The following SLC8A1 variants were observed in gnomAD, a reference collection of about 807,000 sequenced individuals.
SLC8A1 encodes the protein sodium/calcium exchanger 1.
Under a neutral mutation model 68.3 loss-of-function variants are expected in SLC8A1, and 18 were observed. The observed-to-expected ratio is 0.26, with a 90% CI of 0.18 to 0.39. The LOEUF (loss-of-function observed/expected upper bound fraction) is 0.39, where lower values mean the gene tolerates loss of function less well. Ranked by LOEUF, SLC8A1 falls within the 10% of genes least tolerant of loss-of-function variation. The pLI is 1.00. For synonymous variants in SLC8A1, 475 were observed against 415.5 expected (o/e 1.14, Z -1.74); for missense variants, 985 against 1,156.7 (o/e 0.85, Z 2.15).
chr2:40,311,938 C>A (rs760206638), intron 2 of SLC8A1, among the ~76,000 whole-genome samples: 1 of 152,118 alleles, frequency 6.6e-6, no homozygotes, highest in Non-Finnish European at 1.5e-5. Context: ...CAAAGAGGCA[C>A]TTGTGAAAGG....
At chr2:40,436,984 A>G (rs540689044) in intron 1 of SLC8A1, among the ~76,000 whole-genome samples, 2 of 152,260 alleles carry the variant, frequency 1.3e-5, no homozygotes, top group East Asian at 1.9e-4. Flanking sequence ...CTGAGCATCT[A>G]CTTGTCCCAG....
intron 6 of SLC8A1, among the ~76,000 whole-genome samples, chr2:40,157,884 T>C (rs2044866048): frequency 1.3e-5 from 2 of 152,064 alleles, no homozygotes; most frequent in African/African-American, 2.4e-5. Context: ...TCTTCAAATA[T>C]GGAATTAAAA....
At chr2:40,119,842 T>C (rs901332068) in intron 7 of SLC8A1, among the ~76,000 whole-genome samples, 5 of 152,216 alleles carry the variant, frequency 3.3e-5, no homozygotes, top group Admixed American at 6.5e-5. Context: ...TCCTGGCTCC[T>C]TGATACATAT....
intron 2 of SLC8A1, among the ~76,000 whole-genome samples, chr2:40,197,010 T>C (rs943595787): frequency 2.6e-5 from 4 of 152,058 alleles, no homozygotes; most frequent in African/African-American, 9.7e-5. Flanking sequence ...CGATTTGTTC[T>C]GTAACTTGTA....
intron 2 of SLC8A1, among the ~76,000 whole-genome samples, chr2:40,314,064 T>C (rs566880182): frequency 3.3e-5 from 5 of 152,216 alleles, no homozygotes; most frequent in African/African-American, 1.2e-4. Flanking sequence ...GGATAAAGAA[T>C]CTAGGAAATC....
rs114649515 is a variant in SLC8A1, at chr2:40,296,898, A to G, written c.1809-119043T>C. ...GATGCACCTAGCCAAGGACTGTTCT[A>G]TGGCTCTCCACTAGAAACTCCCTCT... On this transcript the variant is annotated intron_variant, in intron 2 of 7. Transcript: ENST00000406785. Among the ~76,000 whole-genome samples the G allele has an allele frequency of 4.6e-3, 702 of 152,280 alleles. 6 individuals carry two copies. Among genetic ancestry groups the G allele is most frequent in the African/African-American group, 0.016 (670 of 41,560 alleles).
intron 1 of SLC8A1, among the ~76,000 whole-genome samples, chr2:40,495,510 G>C (rs1267365985): frequency 1.3e-5 from 2 of 151,952 alleles, no homozygotes; most frequent in African/African-American, 4.8e-5. Context: ...AAGTAAAATT[G>C]ATAAGGAATA....
chr2:40,419,136 C>T (rs1039786663), intron 2 of SLC8A1, among the ~76,000 whole-genome samples: 2 of 152,214 alleles, frequency 1.3e-5, no homozygotes, highest in East Asian at 3.9e-4. Context: ...GTTGTCACAG[C>T]ATCTTGCAAG....
chr2:40,106,935 A>G (rs2034235161), exon 8 of SLC8A1: 1 of 152,182 alleles, frequency 6.6e-6, no homozygotes, highest in South Asian at 2.1e-4. Flanking sequence ...TTGATAAGAG[A>G]GCTCTGAGAA....
intron 2 of SLC8A1, among the ~76,000 whole-genome samples, chr2:40,226,724 A>G (rs934311078): frequency 3.3e-5 from 5 of 152,208 alleles, no homozygotes; most frequent in Non-Finnish European, 7.4e-5. Flanking sequence ...TTGAATGTCC[A>G]TAAGAGAAGC....
chr2:40,459,367 T>G (rs935593855), intron 1 of SLC8A1, among the ~76,000 whole-genome samples: 7 of 103,438 alleles, frequency 6.8e-5, no homozygotes, highest in Admixed American at 6.2e-4. Context: ...TAGGACAGTA[T>G]ATTTTTTTTT....
At chr2:40,247,846 A>T (rs1374223322) in intron 2 of SLC8A1, among the ~76,000 whole-genome samples, 1 of 152,220 alleles carries the variant, frequency 6.6e-6, no homozygotes, top group Non-Finnish European at 1.5e-5. Flanking sequence ...CTTGCAGGTA[A>T]TTAATTATAG....
At chr2:40,110,123 T>C (rs1321598332) in exon 8 of SLC8A1, 1 of 152,118 alleles carries the variant, frequency 6.6e-6, no homozygotes, top group East Asian at 1.9e-4. Flanking sequence ...ATACGTACCA[T>C]TTCTTGTGGG....
intron 2 of SLC8A1, among the ~76,000 whole-genome samples, chr2:40,232,746 C>CG (rs1224828525): frequency 2.6e-5 from 2 of 76,698 alleles, no homozygotes; most frequent in Admixed American, 1.3e-4. Context: ...GCTATCCCTC[C>CG]CCCCCCGCCA....
rs188132334 is a variant in SLC8A1, at chr2:40,181,930, C to T, written c.1809-4075G>A. ...TATGGGGTTGGTTTGGTGAAGATGT[C>T]GTTATTTTGGCTTGATAATCAGCAG... is the stretch of plus-strand genomic sequence containing the variant. On this transcript the variant is annotated intron_variant, in intron 2 of 7. Transcript: ENST00000406785. Among the ~76,000 whole-genome samples the T allele has an allele frequency of 1.4e-3, 215 of 152,274 alleles. 1 individual carries two copies. Among genetic ancestry groups the T allele is most frequent in the Non-Finnish European group, 2.6e-3 (176 of 68,030 alleles).
At chr2:40,304,216 C>T (rs1228692172) in intron 2 of SLC8A1, among the ~76,000 whole-genome samples, 2 of 152,162 alleles carry the variant, frequency 1.3e-5, no homozygotes, top group African/African-American at 2.4e-5. Context: ...ATAACTGGCC[C>T]TTCAGAGATG....
intron 2 of SLC8A1, among the ~76,000 whole-genome samples, chr2:40,256,858 G>T (rs1275584019): frequency 2.6e-5 from 4 of 152,104 alleles, no homozygotes; most frequent in African/African-American, 9.7e-5. Flanking sequence ...ACCTGGGACA[G>T]CCTTTTGCAT....
intron 2 of SLC8A1, among the ~76,000 whole-genome samples, chr2:40,321,393 C>A (rs1024634027): frequency 6.6e-6 from 1 of 152,060 alleles, no homozygotes; most frequent in African/African-American, 2.4e-5. Flanking sequence ...TCAAGATTTG[C>A]ATGCTAAGGC....
Position 40,252,959 on chromosome 2 carries a change from GTA to G in SLC8A1, c.1809-75106_1809-75105del, listed in dbSNP as rs1558965661. ...TGTATGTACATATATACATATGTGTGTATATGTATGTACATATATGTATCTGT... is the reference window on the plus strand; with the variant it reads ...TGTATGTACATATATACATATGTGTGTATGTATGTACATATATGTATCTGT... On this transcript the variant is annotated intron_variant, in intron 2 of 7. Transcript: ENST00000406785. Among the ~76,000 whole-genome samples the G allele has an allele frequency of 8.6e-5, 7 of 81,598 alleles. 1 individual carries two copies. The East Asian group carries it at 1.7e-3, about 20-fold the overall frequency. The allele number at this position is 81,598 out of a possible 152,430, so 53.5% of individuals were successfully genotyped here.
Sources: allele counts gnomAD v4.1 joint callset (sites outside exome capture counted in the v4.1 genomes callset), GRCh38; gene constraint gnomAD v4.1.1; transcripts MANE v1.5; gene names NCBI Gene and HGNC (gene_info 2026-07-23, HGNC 2026-07-21).